The following IMMP2L variants were observed in gnomAD, a reference collection of about 807,000 sequenced individuals.
The protein encoded by IMMP2L is mitochondrial inner membrane protease subunit 2.
In IMMP2L, 18 loss-of-function variants were observed where a neutral mutation model predicts 19.3. The ratio of observed to expected loss-of-function variants is 0.93; its 90% confidence interval spans 0.64 to 1.38. The LOEUF (loss-of-function observed/expected upper bound fraction) is 1.38, where lower values mean the gene tolerates loss of function less well. Among genes scored for constraint, IMMP2L ranks in the 40% most tolerant of loss-of-function variants. The pLI is 0.00. For synonymous variants in IMMP2L, 76 were observed against 73.0 expected (o/e 1.04, Z -0.21); for missense variants, 233 against 218.2 (o/e 1.07, Z -0.43).
At chr7:111,193,054 A>C (rs1366402424) in intron 3 of IMMP2L, among the ~76,000 whole-genome samples, 2 of 152,134 alleles carry the variant, frequency 1.3e-5, no homozygotes, top group African/African-American at 2.4e-5. Flanking sequence ...TAAGAGATGC[A>C]TAAATGGAGA....
At chr7:111,256,666 G>A (rs755484050) in intron 3 of IMMP2L, among the ~76,000 whole-genome samples, 19 of 151,956 alleles carry the variant, frequency 1.3e-4, no homozygotes, top group Admixed American at 4.6e-4. Context: ...CTTTTAAATC[G>A]AGTAAAAGGG....
At chr7:110,826,560 C>T (rs1367934584) in intron 5 of IMMP2L, among the ~76,000 whole-genome samples, 1 of 152,018 alleles carries the variant, frequency 6.6e-6, no homozygotes, top group Non-Finnish European at 1.5e-5. Flanking sequence ...AGCTGGAAAC[C>T]ATCATTCTCA....
At chr7:110,891,433 T>C (rs1201251595) in intron 4 of IMMP2L, among the ~76,000 whole-genome samples, 1 of 152,204 alleles carries the variant, frequency 6.6e-6, no homozygotes, top group Non-Finnish European at 1.5e-5. Context: ...GCCCCAGGCA[T>C]CTGGCAGAGA....
At chr7:111,214,514 T>TG (rs1456274666) in intron 3 of IMMP2L, among the ~76,000 whole-genome samples, 2 of 144,030 alleles carry the variant, frequency 1.4e-5, no homozygotes, top group East Asian at 2.0e-4. Flanking sequence ...GTTTTTTTTT[T>TG]TTTTTTTTTT....
intron 3 of IMMP2L, among the ~76,000 whole-genome samples, chr7:111,160,300 C>T (rs1805111092): frequency 6.6e-6 from 1 of 151,996 alleles, no homozygotes; most frequent in Non-Finnish European, 1.5e-5. Flanking sequence ...CAGAGAACTG[C>T]TATACATAGG....
chr7:111,418,743 A>G (rs1322506469), intron 3 of IMMP2L, among the ~76,000 whole-genome samples: 1 of 151,744 alleles, frequency 6.6e-6, no homozygotes, highest in Non-Finnish European at 1.5e-5. Context: ...AATAAAAAAT[A>G]CACAAAAATT....
intron 3 of IMMP2L, among the ~76,000 whole-genome samples, chr7:111,161,071 A>C (rs2129606737): frequency 6.6e-6 from 1 of 152,030 alleles, no homozygotes; most frequent in African/African-American, 2.4e-5. Flanking sequence ...ACAACTTTTA[A>C]ATAAATGGAA....
At chr7:111,234,898 A>G (rs1478453276) in intron 3 of IMMP2L, among the ~76,000 whole-genome samples, 1 of 152,100 alleles carries the variant, frequency 6.6e-6, no homozygotes, top group Non-Finnish European at 1.5e-5. Context: ...ACTTCTATAT[A>G]TGTCACGAAG....
At chr7:111,279,265 C>T (rs1268598487) in intron 3 of IMMP2L, among the ~76,000 whole-genome samples, 1 of 152,166 alleles carries the variant, frequency 6.6e-6, no homozygotes, top group African/African-American at 2.4e-5. Context: ...TCAAAAAGCT[C>T]ACTGTAATGG....
intron 3 of IMMP2L, among the ~76,000 whole-genome samples, chr7:111,112,456 C>T (rs1229757653): frequency 1.3e-5 from 2 of 151,578 alleles, no homozygotes; most frequent in Non-Finnish European, 2.9e-5. Context: ...ATGTCCTGTA[C>T]AGTAATGAAT....
chr7:110,962,457 T>A (rs1819054173), intron 4 of IMMP2L: 2 of 152,010 alleles, frequency 1.3e-5, no homozygotes, highest in Non-Finnish European at 2.9e-5. Context: ...TTTTTTACAT[T>A]TTTGCAAATC....
rs985174995 is a variant in IMMP2L at position 111,521,294 on chromosome 7, G to A, written c.135+19C>T. The stretch of plus-strand genomic sequence containing the variant: ...CAATGAAGTATGTGCTTTAAAGAAC[G>A]AAGTTATATCATTTTCACCTGCATC... On this transcript the variant is annotated intron_variant, in intron 2 of 5. Coordinates refer to ENST00000405709, the MANE Select transcript of IMMP2L (RefSeq NM_032549.4). 10 of 1,604,306 alleles carry A rather than the reference G, an allele frequency of 6.2e-6. No homozygotes were observed. The Admixed American group carries it at 1.0e-4, about 17-fold the overall frequency.
intron 2 of IMMP2L, among the ~76,000 whole-genome samples, chr7:111,508,664 G>T (rs1845158925): frequency 6.6e-6 from 1 of 152,152 alleles, no homozygotes; most frequent in Non-Finnish European, 1.5e-5. Context: ...TGATTGGTTT[G>T]TGAGTATGCA....
chr7:111,139,629 C>T (rs1303246514), intron 3 of IMMP2L, among the ~76,000 whole-genome samples: 1 of 152,092 alleles, frequency 6.6e-6, no homozygotes, highest in Non-Finnish European at 1.5e-5. Flanking sequence ...GCAAGTTAAT[C>T]ATCTCTCCCA....
chr7:110,863,968 A>G (rs934991897), intron 5 of IMMP2L, among the ~76,000 whole-genome samples: 4 of 152,130 alleles, frequency 2.6e-5, no homozygotes, highest in Non-Finnish European at 5.9e-5. Flanking sequence ...AGGAAGAAGT[A>G]AGGATGCATA....
At position 110,832,814 on chromosome 7, in the gene IMMP2L, T is replaced by A. The variant is rs369955572; in HGVS notation, c.408+53779A>T. ...GGGAGAATTCAGGTTTCTCTGATCA[T>A]ATGAATAACATAAACATATAGAAAT... is the stretch of plus-strand genomic sequence containing the variant. On this transcript the variant is annotated intron_variant, in intron 5 of 5. Transcript: ENST00000405709. Among the ~76,000 whole-genome samples the A allele has an allele frequency of 3.7e-4, 56 of 152,222 alleles. No homozygotes were observed. The East Asian group carries it at 6.6e-3, about 18-fold the overall frequency.
chr7:111,355,342 A>G (rs1828591893), intron 3 of IMMP2L, among the ~76,000 whole-genome samples: 1 of 151,828 alleles, frequency 6.6e-6, no homozygotes, highest in Admixed American at 6.6e-5. Context: ...ATATAAATTA[A>G]TTATGAAAAT....
chr7:111,111,401 A>AT (rs59303613), intron 3 of IMMP2L, among the ~76,000 whole-genome samples: 12,719 of 146,864 alleles, frequency 0.087, 1,230 homozygotes, highest in African/African-American at 0.24. Flanking sequence ...ACTGCTTTCC[A>AT]TCCCCCCCCA....
intron 5 of IMMP2L, among the ~76,000 whole-genome samples, chr7:110,876,470 C>G (rs529201581): frequency 1.8e-4 from 27 of 152,224 alleles, no homozygotes; most frequent in Admixed American, 7.2e-4. Context: ...CATTACCAGG[C>G]AGCACAATTC....
Sources: allele counts gnomAD v4.1 joint callset (sites outside exome capture counted in the v4.1 genomes callset), GRCh38; gene constraint gnomAD v4.1.1; transcripts MANE v1.5; gene names NCBI Gene and HGNC (gene_info 2026-07-23, HGNC 2026-07-21).